The following MLXIPL variants were observed in gnomAD, a reference collection of about 807,000 sequenced individuals.
MLXIPL encodes MLX interacting protein like.
In MLXIPL, 49 loss-of-function variants were observed where a neutral mutation model predicts 81.5. The ratio of observed to expected loss-of-function variants is 0.60; its 90% confidence interval spans 0.48 to 0.76. The LOEUF is 0.76. MLXIPL is among the 30% of genes least tolerant of loss of function. MLXIPL has a pLI of 0.00. For synonymous variants in MLXIPL, 466 were observed against 485.5 expected (o/e 0.96, Z 0.53); for missense variants, 1,053 against 1,167.0 (o/e 0.90, Z 1.42).
intron 2 of MLXIPL, among the ~76,000 whole-genome samples, chr7:73,614,586 C>T (rs1322487171): frequency 1.3e-5 from 2 of 152,154 alleles, no homozygotes; most frequent in African/African-American, 4.8e-5. Flanking sequence ...TGCAGCAGAA[C>T]CTGACCTGAA....
At chr7:73,629,998 ATT>A in the MLXIPL span, among the ~76,000 whole-genome samples, 1 of 149,950 alleles carries the variant, frequency 6.7e-6, no homozygotes, top group Non-Finnish European at 1.5e-5. Flanking sequence ...TTATTTATTT[ATT>A]TATTTATTTA....
chr7:73,602,098 TCCTG>T lies in MLXIPL; in HGVS notation c.902-2407_902-2404del, dbSNP rs1207215774. On this transcript the variant is annotated intron_variant, in intron 7 of 16. Transcript: ENST00000313375. ...TGCCTGCCTGCCTGCCTGCCTGCCT[TCCTG>T]CCTGCCTGCCTGCCTGCCTGCCTGC... Among the ~76,000 whole-genome samples the T allele has an allele frequency of 4.7e-3, 492 of 104,098 alleles. 8 individuals are homozygous for T. Among genetic ancestry groups the T allele is most frequent in the African/African-American group, 0.016 (428 of 26,850 alleles). 68.3% of individuals were successfully genotyped at this position (104,098 alleles called of 152,430 possible).
At chr7:73,615,236 G>A (rs117484165) in intron 2 of MLXIPL, among the ~76,000 whole-genome samples, 85 of 152,292 alleles carry the variant, frequency 5.6e-4, no homozygotes, top group Non-Finnish European at 1.1e-3. Context: ...TTCCTTCCAC[G>A]AGATGGCATG....
chr7:73,601,939 C>T (rs994943915), intron 7 of MLXIPL, among the ~76,000 whole-genome samples: 2 of 152,050 alleles, frequency 1.3e-5, no homozygotes, highest in African/African-American at 4.8e-5. Context: ...CTCTGCCTAC[C>T]CTCTGGGTGT....
chr7:73,645,514 G>T, the MLXIPL span, among the ~76,000 whole-genome samples: 3 of 152,142 alleles, frequency 2.0e-5, no homozygotes, highest in South Asian at 6.2e-4. Context: ...AGGGGGTGGA[G>T]GTGGGTGAGG....
At chr7:73,606,449 G>T in intron 5 of MLXIPL, 2 of 379,104 alleles carry the variant, frequency 5.3e-6, no homozygotes, top group South Asian at 2.8e-5. Flanking sequence ...TTTTGGAGAC[G>T]GAGTCTCACT....
In MLXIPL at chr7:73,607,037, T is replaced by G; in HGVS notation, c.574-19A>C. On this transcript the variant is annotated intron_variant, in intron 4 of 16. Coordinates refer to ENST00000313375, the MANE Select transcript of MLXIPL (RefSeq NM_032951.3). The stretch of plus-strand genomic sequence containing the variant: ...TACGGAGCTGCAGGGACACACAGAG[T>G]TGGACACCGGATCCCTTGCCCCATC... The G allele has an allele frequency of 6.2e-7, 1 of 1,612,532 alleles. No homozygotes were observed. The highest frequency in any genetic ancestry group is 8.5e-7 in the Non-Finnish European group (1 of 1,179,452).
intron 8 of MLXIPL, among the ~76,000 whole-genome samples, chr7:73,598,161 C>A (rs768269123): frequency 4.6e-5 from 7 of 151,998 alleles, no homozygotes; most frequent in Non-Finnish European, 8.8e-5. Flanking sequence ...ATCCACTAAC[C>A]AACCCACCCA....
At chr7:73,624,985 C>T (rs528727506), upstream of MLXIPL, among the ~76,000 whole-genome samples, 295 of 152,116 alleles carry the variant, frequency 1.9e-3, 1 homozygote, top group African/African-American at 6.9e-3. Context: ...TCCTTGAGCC[C>T]AGGAGTTCGA....
chr7:73,616,745 G>A (rs1796027109), intron 1 of MLXIPL, among the ~76,000 whole-genome samples: 2 of 151,774 alleles, frequency 1.3e-5, no homozygotes, highest in South Asian at 4.1e-4. Flanking sequence ...CTACTCAGGA[G>A]GCTGAAGCAG....
At chr7:73,641,254 C>A in the MLXIPL span, among the ~76,000 whole-genome samples, 120 of 152,184 alleles carry the variant, frequency 7.9e-4, no homozygotes, top group African/African-American at 2.6e-3. Flanking sequence ...GATTAAAAAA[C>A]AAAACAAAAC....
At chr7:73,629,869 T>C in the MLXIPL span, among the ~76,000 whole-genome samples, 4 of 152,198 alleles carry the variant, frequency 2.6e-5, no homozygotes, top group Admixed American at 6.6e-5. Flanking sequence ...ATCTGGCGGA[T>C]TGTGGTGAGA....
At chr7:73,606,428 CTTTTT>C in intron 5 of MLXIPL, 1 of 302,020 alleles carries the variant, frequency 3.3e-6, no homozygotes, top group Non-Finnish European at 6.1e-6. Flanking sequence ...TTTTCTTTTT[CTTTTT>C]TTTTTTTTTG....
Position 73,624,436 on chromosome 7 carries a change from G to A in MLXIPL, c.57C>T (p.Pro19=), listed in dbSNP as rs1554603156. 1 of 1,557,924 alleles carries A rather than the reference G, an allele frequency of 6.4e-7. No individual in the cohort carries two copies. ...AAGLQVPRVA[P]SPDSDSDTDS... ...CTGTGTCCGAGTCCGAGTCTGGGCT[G>A]GGCGCGACCCGCGGGACCTGCAAGC... The change falls in exon 1 of 17, where the codon CCC becomes CCT. Residue 19 remains proline (P), a synonymous_variant. Coordinates refer to ENST00000313375, the MANE Select transcript of MLXIPL (RefSeq NM_032951.3).
the MLXIPL span, among the ~76,000 whole-genome samples, chr7:73,630,604 T>A: frequency 2.1e-4 from 32 of 152,208 alleles, 1 homozygote; most frequent in Admixed American, 1.6e-3. Flanking sequence ...ACCCTTTGAT[T>A]TTCAACACAT....
At chr7:73,630,189 G>A in the MLXIPL span, among the ~76,000 whole-genome samples, 5 of 151,626 alleles carry the variant, frequency 3.3e-5, no homozygotes, top group Non-Finnish European at 7.4e-5. Flanking sequence ...AGTACAGGCG[G>A]GGTTTCACTG....
At chr7:73,641,232 G>T in the MLXIPL span, among the ~76,000 whole-genome samples, 2 of 152,116 alleles carry the variant, frequency 1.3e-5, no homozygotes, top group Non-Finnish European at 2.9e-5. Flanking sequence ...GGGTGAGGCT[G>T]CAGTGAGCCT....
rs1397870415 is a variant in MLXIPL at position 73,596,089 on chromosome 7, G to A, written c.2058+64C>T. 3 of 1,599,722 alleles carry A rather than the reference G, an allele frequency of 1.9e-6. No homozygotes were observed. The East Asian group carries it at 6.7e-5, about 36-fold the overall frequency. The stretch of plus-strand genomic sequence containing the variant: ...AGCACTCCCCTGCAATTGAGTTTTG[G>A]GTGGGGGGGGTCCAGAAAGGGGCCC... On this transcript the variant is annotated intron_variant, in intron 13 of 16. Coordinates refer to ENST00000313375, the MANE Select transcript of MLXIPL (RefSeq NM_032951.3). This position sits in a 1 kb window ranked among gnomAD's most constrained non-coding sequence, Gnocchi z 4.7.
In MLXIPL at chr7:73,594,355, A is replaced by T; in HGVS notation, c.2359T>A (p.Ser787Thr). ...PLFESFNGMVSTASVHTLRQT... is the reference protein window; with the variant it reads ...PLFESFNGMVTTASVHTLRQT... ...CGGAGGGTGTGCACACTTGCCGTGGACACCATCCCGTTGAAGGACTCAAAC... is the reference window on the plus strand; with the variant it reads ...CGGAGGGTGTGCACACTTGCCGTGGTCACCATCCCGTTGAAGGACTCAAAC... Residue 787 changes from serine (S) to threonine (T), a missense_variant, in exon 16 of 17, where the codon TCC becomes ACC. Physicochemically the swap from Ser to Thr is moderately conservative, Grantham distance 58. This residue lies in a region of MLXIPL where 823 missense variants were observed against 933.0 expected (regional missense o/e 0.88). Transcript: ENST00000313375. The T allele has an allele frequency of 6.2e-7, 1 of 1,609,270 alleles. No homozygotes were observed. Among genetic ancestry groups the T allele is most frequent in the Non-Finnish European group, 8.5e-7 (1 of 1,179,980 alleles).
Sources: allele counts gnomAD v4.1 joint callset (sites outside exome capture counted in the v4.1 genomes callset), GRCh38; gene constraint gnomAD v4.1.1; regional missense constraint gnomAD v4.1.1; non-coding constraint Gnocchi (gnomAD v3.1); transcripts MANE v1.5; gene names NCBI Gene and HGNC (gene_info 2026-07-23, HGNC 2026-07-21).